Variants in CCDC192 observed in about 807,000 individuals in gnomAD.
CCDC192 encodes the protein coiled-coil domain containing 192.
chr5:127,916,374 T>C (rs903026013), intron 6 of CCDC192, among the ~76,000 whole-genome samples: 4 of 152,250 alleles, frequency 2.6e-5, no homozygotes, highest in Non-Finnish European at 5.9e-5. Flanking sequence ...TTGTTAATAT[T>C]GATAATTTGA....
chr5:127,930,316 G>T (rs898758703), intron 6 of CCDC192, among the ~76,000 whole-genome samples: 1 of 152,200 alleles, frequency 6.6e-6, no homozygotes, highest in Admixed American at 6.5e-5. Context: ...AGTCCATACT[G>T]ATTCATTTTC....
intron 2 of CCDC192, among the ~76,000 whole-genome samples, chr5:127,739,284 C>G (rs901597844): frequency 4.6e-5 from 7 of 152,288 alleles, no homozygotes; most frequent in African/African-American, 1.2e-4. Flanking sequence ...GCAGTCTGCC[C>G]GTTCTCAGAT....
At chr5:127,793,773 T>G (rs1757012707) in intron 3 of CCDC192, among the ~76,000 whole-genome samples, 1 of 152,200 alleles carries the variant, frequency 6.6e-6, no homozygotes, top group African/African-American at 2.4e-5. Flanking sequence ...ATATGTTAGT[T>G]TCTGCTGTTT....
chr5:127,903,870 A>G (rs941309341), intron 6 of CCDC192, among the ~76,000 whole-genome samples: 7 of 152,236 alleles, frequency 4.6e-5, no homozygotes, highest in African/African-American at 1.7e-4. Flanking sequence ...CATTAAATTT[A>G]AAGGAGAGTG....
At chr5:127,797,775 A>ATTTATT (rs1385769234) in intron 4 of CCDC192, among the ~76,000 whole-genome samples, 9 of 127,456 alleles carry the variant, frequency 7.1e-5, no homozygotes, top group South Asian at 2.4e-4. Context: ...ATATATATAT[A>ATTTATT]TATTTATTTA....
intron 6 of CCDC192, among the ~76,000 whole-genome samples, chr5:127,916,267 C>G (rs1171533605): frequency 6.6e-6 from 1 of 152,214 alleles, no homozygotes; most frequent in African/African-American, 2.4e-5. Context: ...TTCTAGTTCT[C>G]TTGTTATTTC....
At chr5:127,857,526 A>G (rs2127097391) in intron 5 of CCDC192, 1 of 152,312 alleles carries the variant, frequency 6.6e-6, no homozygotes, top group East Asian at 1.9e-4. Flanking sequence ...GGTTCTCCAG[A>G]GAGAAACACA....
intron 6 of CCDC192, among the ~76,000 whole-genome samples, chr5:127,894,317 C>G (rs1272869033): frequency 6.6e-6 from 1 of 151,436 alleles, no homozygotes; most frequent in Non-Finnish European, 1.5e-5. Context: ...CTCAGCCTCC[C>G]GAGTAGCTGA....
chr5:127,723,968 G>A lies in CCDC192; in HGVS notation c.114+16208G>A, dbSNP rs1418244565. 2.0e-5 allele frequency among the ~76,000 whole-genome samples: 3 copies of A among 152,308 alleles called. No individual in the cohort carries two copies. In the East Asian group the frequency reaches 5.8e-4, roughly 29 times the overall value. ...GTTAAAATATTTCAATCAATGTGGTGTACTATCTGTACTTAGGTTCAGAGA... is the reference window on the plus strand; with the variant it reads ...GTTAAAATATTTCAATCAATGTGGTATACTATCTGTACTTAGGTTCAGAGA... On this transcript the variant is annotated intron_variant, in intron 2 of 6. Transcript: ENST00000514853.
rs17164624 is a variant in CCDC192 at position 127,839,857 on chromosome 5, C to G, written c.412-35681C>G. Among the ~76,000 whole-genome samples, 801 of 151,970 alleles carry G rather than the reference C, an allele frequency of 5.3e-3. 12 individuals carry two copies. The highest frequency in any genetic ancestry group is 0.019 in the African/African-American group (770 of 41,454). On this transcript the variant is annotated intron_variant, in intron 5 of 6. Coordinates refer to ENST00000514853, the MANE Select transcript of CCDC192 (RefSeq NM_001317938.2). ...AGTTTTTAAAAATACTGCCAATACT[C>G]CATCTTAAGGCAAATTCTTATTTCA...
intron 2 of CCDC192, among the ~76,000 whole-genome samples, chr5:127,732,950 T>A (rs1028837876): frequency 2.0e-5 from 3 of 152,052 alleles, no homozygotes; most frequent in Non-Finnish European, 4.4e-5. Context: ...ATGGCACACG[T>A]TTACCTGTGC....
chr5:127,903,572 G>A (rs941361714), intron 6 of CCDC192, among the ~76,000 whole-genome samples: 1 of 152,148 alleles, frequency 6.6e-6, no homozygotes, highest in Admixed American at 6.5e-5. Flanking sequence ...GAATCATTAT[G>A]GCTGGATGAT....
At position 127,927,107 on chromosome 5, in the gene CCDC192, C is replaced by T. The variant is rs548633549; in HGVS notation, c.536-14075C>T. Among the ~76,000 whole-genome samples, 10 of 152,196 alleles carry T rather than the reference C, an allele frequency of 6.6e-5. 1 individual carries two copies. In the South Asian group the frequency reaches 8.3e-4, roughly 13 times the overall value. On this transcript the variant is annotated intron_variant, in intron 6 of 6. Coordinates refer to ENST00000514853, the MANE Select transcript of CCDC192 (RefSeq NM_001317938.2). ...TGAAAACAAAAATTAGATTGTAATA[C>T]GTTGACATGAGAAAAATACAGCCGT...
At chr5:127,875,062 C>T (rs947457984) in intron 5 of CCDC192, among the ~76,000 whole-genome samples, 1 of 152,074 alleles carries the variant, frequency 6.6e-6, no homozygotes, top group Non-Finnish European at 1.5e-5. Context: ...AAAACACCAG[C>T]GTTTGGTGGT....
In CCDC192 at chr5:127,787,379, C is replaced by A. The variant is rs185121744; in HGVS notation, c.223-9724C>A. ...CTCCTCCTCACCTGCCAGCCCAGGCCTCCTCCTCCTGCTGCCGCCACCTCG... is the reference window on the plus strand; with the variant it reads ...CTCCTCCTCACCTGCCAGCCCAGGCATCCTCCTCCTGCTGCCGCCACCTCG... On this transcript the variant is annotated intron_variant, in intron 3 of 6. Transcript: ENST00000514853. 2.0e-5 allele frequency among the ~76,000 whole-genome samples: 3 copies of A among 152,160 alleles called. No homozygotes were observed. The East Asian group carries it at 5.8e-4, about 29-fold the overall frequency.
intron 2 of CCDC192, among the ~76,000 whole-genome samples, chr5:127,711,208 T>C (rs199907389): frequency 6.6e-6 from 1 of 152,162 alleles, no homozygotes; most frequent in East Asian, 1.9e-4. Flanking sequence ...AGGCTATGGG[T>C]ATGAATTCAT....
intron 5 of CCDC192, among the ~76,000 whole-genome samples, chr5:127,864,831 T>C (rs151879): frequency 0.65 from 99,366 of 152,072 alleles, 32,902 homozygotes; most frequent in Non-Finnish European, 0.71. Context: ...ATTAAACTTA[T>C]GTTCTAAGGA....
intron 2 of CCDC192, among the ~76,000 whole-genome samples, chr5:127,713,949 C>T (rs1396097312): frequency 6.6e-6 from 1 of 152,188 alleles, no homozygotes; most frequent in East Asian, 1.9e-4. Context: ...GAACTTATTC[C>T]TCCTATCTAG....
chr5:127,795,637 A>G (rs969798075), intron 3 of CCDC192, among the ~76,000 whole-genome samples: 14 of 151,908 alleles, frequency 9.2e-5, no homozygotes, highest in African/African-American at 2.7e-4. Context: ...CTGGAGTGCA[A>G]TGGCGCGATT....
Sources: allele counts gnomAD v4.1 joint callset (sites outside exome capture counted in the v4.1 genomes callset), GRCh38; gene constraint gnomAD v4.1.1; transcripts MANE v1.5; gene names NCBI Gene and HGNC (gene_info 2026-07-23, HGNC 2026-07-21).